Variants in NDUFAF5 observed in about 807,000 individuals in gnomAD.
NDUFAF5 encodes the protein arginine-hydroxylase NDUFAF5, mitochondrial.
Under a neutral mutation model 48.9 loss-of-function variants are expected in NDUFAF5, and 34 were observed. The ratio of observed to expected loss-of-function variants is 0.70; its 90% CI spans 0.53 to 0.93. The LOEUF (loss-of-function observed/expected upper bound fraction) is 0.93, where lower values mean the gene tolerates loss of function less well. Ranked by LOEUF, NDUFAF5 falls within the 40% of genes least tolerant of loss-of-function variation. NDUFAF5 has a pLI of 0.00. For missense variants in NDUFAF5, 428 were observed against 427.5 expected (o/e 1.00, Z -0.01); for synonymous variants, 153 against 150.6 (o/e 1.02, Z -0.12).
At chr20:13,799,414 C>G (rs192411212) in intron 6 of NDUFAF5, among the ~76,000 whole-genome samples, 109 of 152,158 alleles carry the variant, frequency 7.2e-4, no homozygotes, top group Non-Finnish European at 4.3e-4. Context: ...AAACTGATGC[C>G]TCGGCTGGGC....
intron 4 of NDUFAF5, among the ~76,000 whole-genome samples, chr20:13,794,358 C>A (rs1380456962): frequency 6.6e-6 from 1 of 152,090 alleles, no homozygotes; most frequent in East Asian, 1.9e-4. Context: ...CAGCTCACTG[C>A]AACCTCCGCC....
At chr20:13,787,428 C>A in intron 2 of NDUFAF5, 76 bp downstream of exon 2, 1 of 1,378,118 alleles carries the variant, frequency 7.3e-7, no homozygotes. Flanking sequence ...TGAGAACTTG[C>A]TATCTGAAAT....
chr20:13,818,178 G>A lies in NDUFAF5; in HGVS notation c.*968G>A, dbSNP rs1309679532. The A allele has an allele frequency of 2.2e-6, 1 of 454,076 alleles. No individual in the cohort carries two copies. The highest frequency in any genetic ancestry group is 2.3e-5 in the Admixed American group (1 of 42,580). 28.1% of individuals were successfully genotyped at this position (454,076 alleles called of 1,614,324 possible). On this transcript the variant is annotated 3_prime_UTR_variant, in exon 11 of 11. Transcript: ENST00000378106. ...TATTAGCAACAAGCTGTCCATGGGTGGGGGCTGTGTGTTAGCCTGTACGTA... is the reference window on the plus strand; with the variant it reads ...TATTAGCAACAAGCTGTCCATGGGTAGGGGCTGTGTGTTAGCCTGTACGTA...
At chr20:13,816,368 G>A in intron 8 of NDUFAF5, 95 bp from the exon 9 acceptor site, 1 of 838,154 alleles carries the variant, frequency 1.2e-6, no homozygotes, top group Non-Finnish European at 2.1e-6. Flanking sequence ...AATGAGGACA[G>A]GTATACTGTT....
chr20:13,800,992 C>T (rs554041769), intron 6 of NDUFAF5, among the ~76,000 whole-genome samples: 5 of 152,134 alleles, frequency 3.3e-5, no homozygotes, highest in Admixed American at 2.0e-4. Context: ...GAGACCTAGA[C>T]GTGGAACTGG....
chr20:13,807,266 T>C (rs1373995697), intron 7 of NDUFAF5, among the ~76,000 whole-genome samples: 2 of 152,074 alleles, frequency 1.3e-5, no homozygotes, highest in Non-Finnish European at 2.9e-5. Context: ...CAGAATGGTC[T>C]CGATCTCCTG....
intron 7 of NDUFAF5, chr20:13,803,510 G>A (rs996190479): frequency 6.6e-6 from 1 of 152,154 alleles, no homozygotes; most frequent in Non-Finnish European, 1.5e-5. Flanking sequence ...CAGATAAAGC[G>A]AAAGTCTGTC....
chr20:13,817,195 GA>G lies in NDUFAF5; in HGVS notation c.1029del (p.Lys343AsnfsTer30). The G allele has an allele frequency of 6.2e-7, 1 of 1,612,862 alleles. No individual in the cohort carries two copies. The highest frequency in any genetic ancestry group is 8.5e-7 in the Non-Finnish European group (1 of 1,178,982). The stretch of plus-strand genomic sequence containing the variant: ...AAATAAACAACCTTATGCCACCGGG[GA>G]AAAAATCACAATAAATATTTATTCA... ...GKINNLMPPGKKSQ is the reference protein window; with the variant it reads ...GKINNLMPPGXKSQ On this transcript the variant is annotated frameshift_variant, in exon 11 of 11. Transcript: ENST00000378106. LOFTEE classifies it high-confidence loss of function.
chr20:13,790,650 C>T (rs1441140214), intron 3 of NDUFAF5, among the ~76,000 whole-genome samples: 1 of 152,164 alleles, frequency 6.6e-6, no homozygotes, highest in Non-Finnish European at 1.5e-5. Context: ...AGTAGTAATC[C>T]AGAGTCCTAA....
At chr20:13,793,069 T>C (rs1364841162) in intron 3 of NDUFAF5, 111 bp from the exon 4 acceptor site, 8 of 1,161,184 alleles carry the variant, frequency 6.9e-6, no homozygotes, top group Non-Finnish European at 1.0e-5. Context: ...TGCAGAAATA[T>C]ACCTTTACAA....
rs1198797379 is a variant in NDUFAF5, at chr20:13,785,094, G to A, written c.26G>A (p.Arg9His). MLRPAGLW[R>H]LCRRPWAARV... ...ATGCTGCGGCCGGCAGGGCTCTGGCGCTTATGTCGGCGACCTTGGGCGGCG... is the reference window on the plus strand; with the variant it reads ...ATGCTGCGGCCGGCAGGGCTCTGGCACTTATGTCGGCGACCTTGGGCGGCG... Residue 9 changes from arginine (R) to histidine (H), a missense_variant, in exon 1 of 11, where the codon CGC (arginine) becomes CAC (histidine). By Grantham distance (29) the Arg-to-His change is conservative. Coordinates refer to ENST00000378106, the MANE Select transcript of NDUFAF5 (RefSeq NM_024120.5). The A allele has an allele frequency of 1.2e-6, 2 of 1,612,816 alleles. No individual in the cohort carries two copies. The highest frequency in any genetic ancestry group is 1.7e-5 in the Admixed American group (1 of 59,984).
chr20:13,793,468 C>A (rs139156540), intron 4 of NDUFAF5, among the ~76,000 whole-genome samples: 2 of 152,286 alleles, frequency 1.3e-5, no homozygotes, highest in Non-Finnish European at 2.9e-5. Flanking sequence ...CCCCGCCCCC[C>A]CAACACACAA....
chr20:13,805,781 A>T (rs571256271), intron 7 of NDUFAF5, among the ~76,000 whole-genome samples: 3 of 152,072 alleles, frequency 2.0e-5, no homozygotes, highest in South Asian at 2.1e-4. Flanking sequence ...TCTAAAAAAA[A>T]ATTTTTTTAA....
chr20:13,793,279 A>T, intron 4 of NDUFAF5, 52 bp downstream of exon 4: 1 of 1,402,454 alleles, frequency 7.1e-7, no homozygotes, highest in Non-Finnish European at 1.0e-6. Flanking sequence ...GTGTTTTCTC[A>T]TATTTTATTT....
In NDUFAF5 at chr20:13,790,613, C is replaced by T. The variant is rs1364778295; in HGVS notation, c.327+1961C>T. The stretch of plus-strand genomic sequence containing the variant: ...ATCAAATCATTGTCAGTCCTCTGCC[C>T]AGAACTGTTAGTTTGTCATCTAGTT... On this transcript the variant is annotated intron_variant, in intron 3 of 10. Coordinates refer to ENST00000378106, the MANE Select transcript of NDUFAF5 (RefSeq NM_024120.5). Among the ~76,000 whole-genome samples, 7 of 152,264 alleles carry T rather than the reference C, an allele frequency of 4.6e-5. No individual in the cohort carries two copies. The South Asian group carries it at 1.5e-3, about 32-fold the overall frequency.
chr20:13,792,998 A>G (rs1982552896), intron 3 of NDUFAF5, among the ~76,000 whole-genome samples, 182 bp from the exon 4 acceptor site: 1 of 152,222 alleles, frequency 6.6e-6, no homozygotes, highest in South Asian at 2.1e-4. Context: ...TTTATTACAT[A>G]TAGTTAAATA....
intron 6 of NDUFAF5, among the ~76,000 whole-genome samples, chr20:13,799,527 C>T (rs766690559): frequency 6.6e-6 from 1 of 151,780 alleles, no homozygotes; most frequent in Non-Finnish European, 1.5e-5. Context: ...GGTGAAACCC[C>T]GCCTCTACTA....
intron 8 of NDUFAF5, among the ~76,000 whole-genome samples, chr20:13,811,668 T>A (rs2423746): frequency 6.6e-6 from 1 of 152,118 alleles, no homozygotes. Context: ...AGGATACAGA[T>A]CAAACTCTGA....
chr20:13,789,416 C>T (rs572618974), intron 3 of NDUFAF5, among the ~76,000 whole-genome samples: 16 of 151,890 alleles, frequency 1.1e-4, no homozygotes, highest in Admixed American at 7.2e-4. Flanking sequence ...CCGCCTGTCT[C>T]GGCATCCCAA....
Sources: allele counts gnomAD v4.1 joint callset (sites outside exome capture counted in the v4.1 genomes callset), GRCh38; gene constraint gnomAD v4.1.1; transcripts MANE v1.5; gene names NCBI Gene and HGNC (gene_info 2026-07-23, HGNC 2026-07-21).